SMURF2: variants seen among roughly 807,000 people sequenced by gnomAD.
The protein encoded by SMURF2 is E3 ubiquitin-protein ligase SMURF2.
In SMURF2, 48 loss-of-function variants were observed where a neutral mutation model predicts 109.6. The ratio of observed to expected loss-of-function variants is 0.44; its 90% confidence interval spans 0.35 to 0.56. SMURF2 has a LOEUF of 0.56. SMURF2 is among the 20% of genes least tolerant of loss of function. The pLI is 0.01. For synonymous variants in SMURF2, 288 were observed against 317.1 expected (o/e 0.91, Z 0.97); for missense variants, 575 against 909.0 (o/e 0.63, Z 4.72).
intron 2 of SMURF2, among the ~76,000 whole-genome samples, chr17:64,599,536 G>A (rs61509391): frequency 0.084 from 12,752 of 152,184 alleles, 1,191 homozygotes; most frequent in African/African-American, 0.23. Flanking sequence ...TGTTACAACC[G>A]GACCACAAAG....
chr17:64,657,897 A>G (rs1199804853), intron 1 of SMURF2, among the ~76,000 whole-genome samples: 1 of 152,180 alleles, frequency 6.6e-6, no homozygotes, highest in Non-Finnish European at 1.5e-5. Context: ...ATACCAAACT[A>G]CAAAAAGGAC....
At chr17:64,604,442 A>G (rs1225329775) in intron 2 of SMURF2, among the ~76,000 whole-genome samples, 1 of 152,214 alleles carries the variant, frequency 6.6e-6, no homozygotes, top group Admixed American at 6.5e-5. Context: ...GTTAACAATC[A>G]GCTCTCAAAG....
intron 5 of SMURF2, among the ~76,000 whole-genome samples, chr17:64,587,154 AAC>A (rs1969674741): frequency 6.6e-6 from 1 of 152,138 alleles, no homozygotes; most frequent in African/African-American, 2.4e-5. Flanking sequence ...CTAGCCTGGC[AAC>A]AGAGTGAGAC....
intron 2 of SMURF2, among the ~76,000 whole-genome samples, chr17:64,604,976 T>C (rs1555688900): frequency 1.3e-5 from 2 of 151,368 alleles, no homozygotes; most frequent in East Asian, 3.9e-4. Context: ...TCCCCTTACT[T>C]CCCTCCCTTT....
At chr17:64,619,459 C>T (rs1970170589) in intron 1 of SMURF2, among the ~76,000 whole-genome samples, 1 of 118,468 alleles carries the variant, frequency 8.4e-6, no homozygotes, top group Non-Finnish European at 1.6e-5. Context: ...GCCTGGGTGA[C>T]ACGGCGAGAC....
At chr17:64,651,138 A>G (rs1970632536) in intron 1 of SMURF2, among the ~76,000 whole-genome samples, 2 of 152,134 alleles carry the variant, frequency 1.3e-5, no homozygotes, top group Admixed American at 1.3e-4. Context: ...CGGAGGTTGC[A>G]GTGAGCTGAG....
intron 1 of SMURF2, among the ~76,000 whole-genome samples, chr17:64,634,868 C>T (rs1970394877): frequency 6.6e-6 from 1 of 152,094 alleles, no homozygotes; most frequent in African/African-American, 2.4e-5. Context: ...TTGGAGGCTC[C>T]ATTTTAAGAG....
chr17:64,578,432 A>G (rs1969530238), intron 9 of SMURF2, 60 bp downstream of exon 9: 1 of 1,142,636 alleles, frequency 8.8e-7, no homozygotes, highest in Non-Finnish European at 1.3e-6. Context: ...TAAAAATCAA[A>G]GAAATCCTAG....
Position 64,583,472 on chromosome 17 carries a change from C to A in SMURF2, c.558G>T (p.Glu186Asp). 6.2e-7 allele frequency: 1 copy of A among 1,613,444 alleles called. No individual in the cohort carries two copies. The highest frequency in any genetic ancestry group is 1.3e-5 in the African/African-American group (1 of 75,024). Residue 186 changes from glutamate (E) to aspartate (D), a missense_variant, in exon 7 of 19, where the codon GAG (glutamate) becomes GAT (aspartate). By Grantham distance (45) the Glu-to-Asp change is conservative. Transcript: ENST00000262435. Reference sequence around the variant, plus strand: ...TTGTATGTTCTTACCGTGTTGGGCGCTCCCATTGCGTAGTTCTTGTTATAT... The same window carrying A: ...TTGTATGTTCTTACCGTGTTGGGCGATCCCATTGCGTAGTTCTTGTTATAT... ...LNHITRTTQW[E>D]RPTRPASEYS...
At chr17:64,613,821 C>CTAT (rs1214933351) in intron 1 of SMURF2, among the ~76,000 whole-genome samples, 1 of 150,442 alleles carries the variant, frequency 6.6e-6, no homozygotes, top group African/African-American at 2.4e-5. Context: ...GCACTTATTT[C>CTAT]TATTATTATT....
chr17:64,611,059 C>T (rs944847095), intron 1 of SMURF2, among the ~76,000 whole-genome samples: 11 of 152,192 alleles, frequency 7.2e-5, no homozygotes, highest in Admixed American at 6.5e-4. Context: ...ATTCTAAGTT[C>T]TCTTTGCCAG....
intron 1 of SMURF2, among the ~76,000 whole-genome samples, chr17:64,621,569 G>C (rs1158167096): frequency 6.6e-6 from 1 of 150,894 alleles, no homozygotes; most frequent in African/African-American, 2.4e-5. Flanking sequence ...GACAGAGCGA[G>C]ACTCTGTCTC....
intron 1 of SMURF2, among the ~76,000 whole-genome samples, chr17:64,638,858 C>T (rs192523689): frequency 6.4e-4 from 98 of 152,276 alleles, no homozygotes; most frequent in Middle Eastern, 3.4e-3. Flanking sequence ...CTTGACTATA[C>T]ACAAAGAGGC....
intron 2 of SMURF2, among the ~76,000 whole-genome samples, chr17:64,602,875 A>C (rs1206689000): frequency 6.6e-6 from 1 of 152,052 alleles, no homozygotes; most frequent in African/African-American, 2.4e-5. Flanking sequence ...CAGTGAGTCG[A>C]GATCGCGCCA....
At chr17:64,591,760 A>G (rs576174367) in intron 4 of SMURF2, among the ~76,000 whole-genome samples, 59 of 152,334 alleles carry the variant, frequency 3.9e-4, no homozygotes, top group Non-Finnish European at 7.5e-4. Flanking sequence ...TGATTACAGC[A>G]CTTATAGCTG....
intron 1 of SMURF2, among the ~76,000 whole-genome samples, chr17:64,654,842 TAATA>T (rs547670128): frequency 3.8e-4 from 57 of 151,708 alleles, no homozygotes; most frequent in Non-Finnish European, 6.8e-4. Flanking sequence ...AAAATAATAA[TAATA>T]AATAAATAAA....
intron 1 of SMURF2, among the ~76,000 whole-genome samples, chr17:64,612,258 T>C (rs1490478444): frequency 2.6e-5 from 4 of 152,266 alleles, no homozygotes; most frequent in Non-Finnish European, 5.9e-5. Context: ...TGGCACTTGA[T>C]AGGTACTCAA....
intron 1 of SMURF2, among the ~76,000 whole-genome samples, chr17:64,607,519 A>G (rs1465695404): frequency 6.6e-6 from 1 of 151,768 alleles, no homozygotes; most frequent in African/African-American, 2.4e-5. Context: ...CCAGCTACTC[A>G]GTAGACTGAG....
intron 4 of SMURF2, among the ~76,000 whole-genome samples, chr17:64,592,773 G>A (rs1231425860): frequency 6.6e-6 from 1 of 152,170 alleles, no homozygotes; most frequent in Non-Finnish European, 1.5e-5. Flanking sequence ...ACCTGGTTAT[G>A]CTAAGTCAAC....
Sources: allele counts gnomAD v4.1 joint callset (sites outside exome capture counted in the v4.1 genomes callset), GRCh38; gene constraint gnomAD v4.1.1; transcripts MANE v1.5; gene names NCBI Gene and HGNC (gene_info 2026-07-23, HGNC 2026-07-21).